The following FNDC3B variants were observed in gnomAD, a reference collection of about 807,000 sequenced individuals.
FNDC3B encodes the protein fibronectin type III domain containing 3B.
In FNDC3B, 12 loss-of-function variants were observed where a neutral mutation model predicts 151.5. That is an observed-to-expected ratio of 0.08 (90% CI 0.05 to 0.13). The LOEUF is 0.13. FNDC3B is among the 10% of genes least tolerant of loss of function. The pLI, the probability that FNDC3B is intolerant of heterozygous loss-of-function variation, is 1.00. For missense variants in FNDC3B, 1,214 were observed against 1,505.3 expected (o/e 0.81, Z 3.20); for synonymous variants, 528 against 549.0 (o/e 0.96, Z 0.54).
At chr3:172,138,286 T>A (rs895448475) in intron 3 of FNDC3B, among the ~76,000 whole-genome samples, 1 of 152,242 alleles carries the variant, frequency 6.6e-6, no homozygotes, top group African/African-American at 2.4e-5. Flanking sequence ...CAGGAAACAG[T>A]GTATCTTCAC....
chr3:172,319,079 T>G (rs1321642109), intron 11 of FNDC3B, among the ~76,000 whole-genome samples: 1 of 152,200 alleles, frequency 6.6e-6, no homozygotes, highest in African/African-American at 2.4e-5. Context: ...ATGATGAGGT[T>G]GTGTGTTTGG....
At chr3:172,191,480 G>GA (rs1724503972) in intron 3 of FNDC3B, among the ~76,000 whole-genome samples, 1 of 152,062 alleles carries the variant, frequency 6.6e-6, no homozygotes, top group Non-Finnish European at 1.5e-5. Flanking sequence ...TTGAGTGGGG[G>GA]ATCTAGGTTT....
At chr3:172,186,901 A>G in intron 3 of FNDC3B, 1 of 543,880 alleles carries the variant, frequency 1.8e-6, no homozygotes, top group Non-Finnish European at 3.3e-6. Context: ...TTGAGTTTCA[A>G]AAGTAAAATT....
intron 23 of FNDC3B, among the ~76,000 whole-genome samples, chr3:172,371,836 C>A (rs1397725810): frequency 1.3e-5 from 2 of 152,154 alleles, no homozygotes; most frequent in Non-Finnish European, 2.9e-5. Context: ...GAGAGGGATG[C>A]CATTCTGAGG....
intron 1 of FNDC3B, among the ~76,000 whole-genome samples, chr3:172,050,308 A>T (rs1446743642): frequency 6.6e-6 from 1 of 152,222 alleles, no homozygotes; most frequent in African/African-American, 2.4e-5. Context: ...TTTACCATTC[A>T]TTCCAGAACT....
chr3:172,209,787 C>G (rs1159896093), intron 3 of FNDC3B, among the ~76,000 whole-genome samples: 1 of 152,252 alleles, frequency 6.6e-6, no homozygotes, highest in Non-Finnish European at 1.5e-5. Flanking sequence ...AATATGCCAT[C>G]CATGGCGCCC....
chr3:172,316,502 C>G, intron 11 of FNDC3B: 1 of 439,336 alleles, frequency 2.3e-6, no homozygotes, highest in Non-Finnish European at 4.5e-6. Flanking sequence ...AGATCGTGAT[C>G]TGGCCTTATT....
chr3:172,245,664 A>T (rs371598555), intron 4 of FNDC3B, among the ~76,000 whole-genome samples: 1 of 151,654 alleles, frequency 6.6e-6, no homozygotes, highest in African/African-American at 2.4e-5. Flanking sequence ...CAATACATGC[A>T]TGAGAATTTC....
intron 23 of FNDC3B, among the ~76,000 whole-genome samples, chr3:172,363,736 G>T (rs1425819971): frequency 6.6e-6 from 1 of 152,198 alleles, no homozygotes; most frequent in East Asian, 1.9e-4. Flanking sequence ...CCCTGTCCCA[G>T]TCTCCACCCC....
intron 3 of FNDC3B, among the ~76,000 whole-genome samples, chr3:172,198,076 T>C (rs1480666516): frequency 6.6e-6 from 1 of 152,258 alleles, no homozygotes; most frequent in African/African-American, 2.4e-5. Flanking sequence ...TTTTTAATGC[T>C]CAAAATTCCT....
chr3:172,315,257 G>T (rs987258480), intron 11 of FNDC3B, among the ~76,000 whole-genome samples: 5 of 152,128 alleles, frequency 3.3e-5, no homozygotes, highest in Admixed American at 6.6e-5. Context: ...GGCGCCTATA[G>T]TCCCAGCTAC....
intron 22 of FNDC3B, 31 bp downstream of exon 22, chr3:172,353,114 G>A: frequency 6.3e-7 from 1 of 1,596,158 alleles, no homozygotes; most frequent in Non-Finnish European, 8.5e-7. Flanking sequence ...ATCTGCATCA[G>A]CACATCAGCA....
intron 4 of FNDC3B, among the ~76,000 whole-genome samples, chr3:172,238,991 T>C (rs1392405777): frequency 1.3e-5 from 2 of 152,224 alleles, no homozygotes; most frequent in African/African-American, 2.4e-5. Context: ...TGGAGAAAAG[T>C]TTTAATAATG....
At chr3:172,094,829 G>A (rs1719019894) in intron 1 of FNDC3B, among the ~76,000 whole-genome samples, 1 of 151,684 alleles carries the variant, frequency 6.6e-6, no homozygotes, top group Admixed American at 6.6e-5. Context: ...TAGTGGCTTA[G>A]TGGAAGTGAG....
chr3:172,348,698 T>G (rs1560093316), intron 21 of FNDC3B, among the ~76,000 whole-genome samples: 2 of 152,246 alleles, frequency 1.3e-5, no homozygotes, highest in African/African-American at 4.8e-5. Context: ...CAAAGCTGCA[T>G]TATAAAAGAT....
intron 1 of FNDC3B, among the ~76,000 whole-genome samples, chr3:172,097,417 C>A (rs1173243929): frequency 6.6e-6 from 1 of 152,152 alleles, no homozygotes; most frequent in Non-Finnish European, 1.5e-5. Context: ...TGGATAAAAC[C>A]TGTATTCTTT....
chr3:172,240,327 G>A (rs576521250), intron 4 of FNDC3B, among the ~76,000 whole-genome samples: 17 of 152,170 alleles, frequency 1.1e-4, no homozygotes, highest in South Asian at 2.1e-4. Context: ...ATTTAGTGGA[G>A]TGGTAACATT....
intron 11 of FNDC3B, chr3:172,321,729 AT>A (rs1449886994): frequency 1.0e-5 from 2 of 198,940 alleles, no homozygotes; most frequent in Non-Finnish European, 2.0e-5. Context: ...TTGTATTTTT[AT>A]TTTTTTATGT....
chr3:172,126,245 T>C (rs1720804759), intron 2 of FNDC3B, among the ~76,000 whole-genome samples: 1 of 152,118 alleles, frequency 6.6e-6, no homozygotes, highest in Non-Finnish European at 1.5e-5. Context: ...TGCTTGTATG[T>C]GCTGAGGGTG....
Sources: allele counts gnomAD v4.1 joint callset (sites outside exome capture counted in the v4.1 genomes callset), GRCh38; gene constraint gnomAD v4.1.1; transcripts MANE v1.5; gene names NCBI Gene and HGNC (gene_info 2026-07-23, HGNC 2026-07-21).